FHIT: variants seen among roughly 807,000 people sequenced by gnomAD.
FHIT encodes fragile histidine triad diadenosine triphosphatase, also known as bis(5'-adenosyl)-triphosphatase.
In FHIT, 19 loss-of-function variants were observed where a neutral mutation model predicts 17.9. The observed-to-expected ratio is 1.06, with a 90% confidence interval of 0.74 to 1.56. The LOEUF is 1.56. Among genes scored for constraint, FHIT ranks in the 40% most tolerant of loss-of-function variants. The pLI is 0.00. For missense variants in FHIT, 248 were observed against 189.2 expected (o/e 1.31, Z -1.82); for synonymous variants, 81 against 69.7 (o/e 1.16, Z -0.81).
At chr3:61,037,343 T>C (rs1034353710) in intron 3 of FHIT, among the ~76,000 whole-genome samples, 2 of 152,126 alleles carry the variant, frequency 1.3e-5, no homozygotes, top group Non-Finnish European at 2.9e-5. Context: ...CTTAACCTTA[T>C]TTTCTCTCCG....
intron 5 of FHIT, among the ~76,000 whole-genome samples, chr3:60,435,299 T>G (rs1036337076): frequency 5.3e-5 from 8 of 152,160 alleles, no homozygotes; most frequent in Admixed American, 3.9e-4. Context: ...GTCTAACTTT[T>G]AAATGACTTA....
chr3:60,553,617 CTA>C (rs2036645461), intron 4 of FHIT, among the ~76,000 whole-genome samples: 1 of 150,176 alleles, frequency 6.7e-6, no homozygotes, highest in Non-Finnish European at 1.5e-5. Context: ...ATGGATACTT[CTA>C]TGTTTTATGC....
At chr3:60,588,751 T>A (rs1163928033) in intron 4 of FHIT, among the ~76,000 whole-genome samples, 4 of 152,050 alleles carry the variant, frequency 2.6e-5, no homozygotes, top group Non-Finnish European at 5.9e-5. Context: ...CAAGCTCAAG[T>A]GATCCTCTTG....
At chr3:60,792,347 T>TAC (rs34647274) in intron 4 of FHIT, among the ~76,000 whole-genome samples, 18,045 of 151,584 alleles carry the variant, frequency 0.12, 1,473 homozygotes, top group African/African-American at 0.22. Context: ...TAGTTGTGTA[T>TAC]ACACACACAC....
intron 5 of FHIT, among the ~76,000 whole-genome samples, chr3:60,071,193 G>A (rs1021408171): frequency 1.3e-5 from 2 of 152,132 alleles, no homozygotes; most frequent in Admixed American, 6.6e-5. Context: ...AGCCCAAACT[G>A]AGATGTACCA....
chr3:61,101,580 A>G (rs746885748), intron 2 of FHIT, among the ~76,000 whole-genome samples: 5 of 152,062 alleles, frequency 3.3e-5, no homozygotes, highest in African/African-American at 7.2e-5. Context: ...GTTTTTTCCA[A>G]TTCTATGAAG....
At chr3:60,662,147 A>G (rs1213222648) in intron 4 of FHIT, among the ~76,000 whole-genome samples, 4 of 152,136 alleles carry the variant, frequency 2.6e-5, no homozygotes, top group Non-Finnish European at 5.9e-5. Flanking sequence ...TTCCAATGTT[A>G]TCTTCTAGAA....
chr3:60,529,668 A>G (rs1274277013), intron 5 of FHIT, among the ~76,000 whole-genome samples: 1 of 152,188 alleles, frequency 6.6e-6, no homozygotes, highest in Admixed American at 6.5e-5. Context: ...TATGCCCAGA[A>G]TATAACGAAC....
At chr3:59,860,062 G>A (rs1702340906) in intron 8 of FHIT, among the ~76,000 whole-genome samples, 2 of 152,154 alleles carry the variant, frequency 1.3e-5, no homozygotes, top group African/African-American at 2.4e-5. Flanking sequence ...TTGCAAGGTG[G>A]ATAATCAGGG....
intron 5 of FHIT, among the ~76,000 whole-genome samples, chr3:60,238,340 T>C (rs2107567431): frequency 6.6e-6 from 1 of 150,680 alleles, no homozygotes; most frequent in South Asian, 2.1e-4. Flanking sequence ...TTAGCGATAT[T>C]TAATAATATT....
chr3:60,285,118 T>C (rs1015001752), intron 5 of FHIT, among the ~76,000 whole-genome samples: 1 of 152,134 alleles, frequency 6.6e-6, no homozygotes, highest in Non-Finnish European at 1.5e-5. Context: ...AGTACCCAGG[T>C]CCTCAAAATG....
intron 8 of FHIT, among the ~76,000 whole-genome samples, chr3:59,788,245 C>T (rs964529656): frequency 6.6e-6 from 1 of 152,168 alleles, no homozygotes; most frequent in Non-Finnish European, 1.5e-5. Flanking sequence ...CGAGGCTGCC[C>T]TCCTCTAGTG....
At position 60,830,436 on chromosome 3, in the gene FHIT, T is replaced by G. The variant is rs77167873; in HGVS notation, c.-110-8425A>C. Among the ~76,000 whole-genome samples, 1,320 of 152,150 alleles carry G rather than the reference T, an allele frequency of 8.7e-3. 21 individuals carry two copies. The highest frequency in any genetic ancestry group is 0.029 in the African/African-American group (1,204 of 41,522). Reference sequence around the variant, plus strand: ...CAAAAGAAGAGAGTGGTAAGTGAAATATAAGGTACCATTAGAGATTTCTCT... The same window carrying G: ...CAAAAGAAGAGAGTGGTAAGTGAAAGATAAGGTACCATTAGAGATTTCTCT... On this transcript the variant is annotated intron_variant, in intron 3 of 9. Coordinates refer to ENST00000492590, the MANE Select transcript of FHIT (RefSeq NM_002012.4).
rs1027351259 is a variant in FHIT, at chr3:59,774,899, C to T, written c.349-22578G>A. Among the ~76,000 whole-genome samples the T allele has an allele frequency of 5.3e-5, 8 of 152,296 alleles. 1 individual carries two copies. The East Asian group carries it at 1.5e-3, about 29-fold the overall frequency. On this transcript the variant is annotated intron_variant, in intron 8 of 9. Coordinates refer to ENST00000492590, the MANE Select transcript of FHIT (RefSeq NM_002012.4). ...CTCAAATTCTTAACTTCTCTTGATA[C>T]ACCAAGTGTAGTCTATAGACCAGCG...
chr3:61,200,199 T>C (rs1433342573), intron 2 of FHIT, among the ~76,000 whole-genome samples: 1 of 152,194 alleles, frequency 6.6e-6, no homozygotes, highest in Non-Finnish European at 1.5e-5. Flanking sequence ...CAACTGACTT[T>C]CACAATAAAT....
chr3:60,787,491 A>G (rs1012594688), intron 4 of FHIT, among the ~76,000 whole-genome samples: 1 of 152,214 alleles, frequency 6.6e-6, no homozygotes, highest in Non-Finnish European at 1.5e-5. Context: ...ATTGTTTAAC[A>G]TCTGTGTCCA....
At chr3:60,013,717 C>T (rs904333336) in intron 6 of FHIT, among the ~76,000 whole-genome samples, 2 of 152,132 alleles carry the variant, frequency 1.3e-5, no homozygotes, top group African/African-American at 4.8e-5. Flanking sequence ...TTTTTCCAGT[C>T]CCAGTTCCAG....
intron 5 of FHIT, among the ~76,000 whole-genome samples, chr3:60,229,209 G>A (rs1048562295): frequency 6.6e-6 from 1 of 152,078 alleles, no homozygotes; most frequent in African/African-American, 2.4e-5. Flanking sequence ...TTGAGGCAAG[G>A]AGTTTGAGAC....
chr3:59,967,760 T>C (rs570910747), intron 7 of FHIT, among the ~76,000 whole-genome samples: 3 of 151,996 alleles, frequency 2.0e-5, no homozygotes, highest in South Asian at 4.2e-4. Context: ...ATATAGTATA[T>C]AAAGCTACCA....
Sources: allele counts gnomAD v4.1 joint callset (sites outside exome capture counted in the v4.1 genomes callset), GRCh38; gene constraint gnomAD v4.1.1; transcripts MANE v1.5; gene names NCBI Gene and HGNC (gene_info 2026-07-23, HGNC 2026-07-21).